Variants in FAT3 observed in about 807,000 individuals in gnomAD.
FAT3 encodes the protein FAT atypical cadherin 3.
FAT3 carries 95 observed loss-of-function variants against 310.2 expected under a neutral mutation model. That is an observed-to-expected ratio of 0.31 (90% CI 0.26 to 0.36). FAT3 has a LOEUF of 0.36. Among genes scored for constraint, FAT3 ranks in the 10% least tolerant of loss-of-function variants. The pLI is 1.00. For missense variants in FAT3, 5,408 were observed against 5,715.6 expected (o/e 0.95, Z 1.74); for synonymous variants, 2,314 against 2,192.9 (o/e 1.06, Z -1.54).
chr11:92,355,072 A>T lies in FAT3; in HGVS notation c.2960A>T (p.Lys987Ile). The change falls in exon 2 of 28, where the codon AAA (lysine) becomes ATA (isoleucine). Residue 987 changes from lysine (K) to isoleucine (I), a missense_variant. This residue lies in a region of FAT3 where 4,588 missense variants were observed against 4,809.8 expected (regional missense o/e 0.95). Transcript: ENST00000525166. ...TATAATGGGAGATTTGAAATAGATA[A>T]AGCAAGTGGTGCCATCCGCTTGAGC... ...NDYNGRFEID[K>I]ASGAIRLSKE... 4 of 1,613,716 alleles carry T rather than the reference A, an allele frequency of 2.5e-6. No homozygotes were observed. The highest frequency in any genetic ancestry group is 3.4e-6 in the Non-Finnish European group (4 of 1,179,826).
At chr11:92,741,974 T>C (rs1419581358) in intron 4 of FAT3, among the ~76,000 whole-genome samples, 1 of 152,182 alleles carries the variant, frequency 6.6e-6, no homozygotes, top group Non-Finnish European at 1.5e-5. Flanking sequence ...ACAGAATAAT[T>C]TCTTCACCAA....
intron 1 of FAT3, among the ~76,000 whole-genome samples, chr11:92,257,849 G>A (rs552220521): frequency 3.5e-4 from 54 of 152,204 alleles, no homozygotes; most frequent in African/African-American, 1.3e-3. Context: ...TCCATGGACT[G>A]TAAAGATATT....
Position 92,787,673 on chromosome 11 carries a change from TTTA to T in FAT3, c.4336-2262_4336-2260del, listed in dbSNP as rs1946928841. Among the ~76,000 whole-genome samples, 9 of 150,200 alleles carry T rather than the reference TTTA, an allele frequency of 6.0e-5. 1 individual carries two copies. The highest frequency in any genetic ancestry group is 4.6e-4 in the Admixed American group (7 of 15,054). Reference sequence around the variant, plus strand: ...CAACTAGGAATAAATTATAATTTATTTTATTATTATAATGATATAAATACATAA... The same window carrying T: ...CAACTAGGAATAAATTATAATTTATTTTATTATAATGATATAAATACATAA... On this transcript the variant is annotated intron_variant, in intron 7 of 27. Coordinates refer to ENST00000525166, the MANE Select transcript of FAT3 (RefSeq NM_001367949.2).
In FAT3 at chr11:92,260,858, GCTGA is replaced by G. The variant is rs1004720261; in HGVS notation, c.-18+35689_-18+35692del. Reference sequence around the variant, plus strand: ...GTCGAGACAATTTTGAGAATTGCAAGCTGACTGAGTATGCCAACATGTAGGACAT... The same window carrying G: ...GTCGAGACAATTTTGAGAATTGCAAGCTGAGTATGCCAACATGTAGGACAT... On this transcript the variant is annotated intron_variant, in intron 1 of 27. Transcript: ENST00000525166. 1.2e-4 allele frequency among the ~76,000 whole-genome samples: 18 copies of G among 152,138 alleles called. 1 individual carries two copies. The highest frequency in any genetic ancestry group is 4.1e-4 in the African/African-American group (17 of 41,530).
At chr11:92,523,781 G>A (rs1481704003) in intron 2 of FAT3, among the ~76,000 whole-genome samples, 2 of 152,178 alleles carry the variant, frequency 1.3e-5, no homozygotes, top group African/African-American at 4.8e-5. Context: ...AGTTTCTGCA[G>A]CCTAGTGATT....
intron 4 of FAT3, among the ~76,000 whole-genome samples, chr11:92,737,816 G>A (rs1307608736): frequency 6.6e-6 from 1 of 152,038 alleles, no homozygotes; most frequent in Non-Finnish European, 1.5e-5. Context: ...GAGCCATACA[G>A]TGTCAAGAAT....
chr11:92,516,765 T>G (rs1953500393), intron 2 of FAT3, among the ~76,000 whole-genome samples: 1 of 152,156 alleles, frequency 6.6e-6, no homozygotes, highest in African/African-American at 2.4e-5. Context: ...CAAATTTCCT[T>G]AAGCTGATAA....
intron 4 of FAT3, among the ~76,000 whole-genome samples, chr11:92,722,631 A>AG (rs1232448245): frequency 6.6e-6 from 1 of 152,176 alleles, no homozygotes; most frequent in Non-Finnish European, 1.5e-5. Flanking sequence ...GCCCTAGCAG[A>AG]GGTTCTCCAT....
chr11:92,444,087 A>C (rs1174681277), intron 2 of FAT3, among the ~76,000 whole-genome samples: 2 of 152,192 alleles, frequency 1.3e-5, no homozygotes, highest in Non-Finnish European at 2.9e-5. Context: ...TTTGATTCCA[A>C]ATCTTAATTC....
At chr11:92,237,896 G>T (rs952031263) in intron 1 of FAT3, among the ~76,000 whole-genome samples, 1 of 152,174 alleles carries the variant, frequency 6.6e-6, no homozygotes. Flanking sequence ...TGGGAATGTG[G>T]TGTGGGGAAA....
rs1388991643 is a variant in FAT3, at chr11:92,354,504, C to T, written c.2392C>T (p.Leu798Phe). 1 of 1,613,860 alleles carries T rather than the reference C, an allele frequency of 6.2e-7. No homozygotes were observed. Among genetic ancestry groups the T allele is most frequent in the South Asian group, 1.1e-5 (1 of 91,082 alleles). ...GGATCGAGAACACACAGACCTCTAT[C>T]TCCTTAATATCACCATCTATGACTT... ...PMDREHTDLY[L>F]LNITIYDLGN... Residue 798 changes from leucine to phenylalanine, a missense_variant, in exon 2 of 28, where the codon CTC becomes TTC. Physicochemically the swap from Leu to Phe is conservative, Grantham distance 22. Transcript: ENST00000525166.
At chr11:92,680,007 T>G (rs1943428138) in intron 3 of FAT3, among the ~76,000 whole-genome samples, 1 of 152,172 alleles carries the variant, frequency 6.6e-6, no homozygotes, top group East Asian at 1.9e-4. Context: ...TATTTGTCCC[T>G]TGTTTGATAA....
intron 1 of FAT3, among the ~76,000 whole-genome samples, chr11:92,305,012 G>T (rs1591079749): frequency 6.6e-6 from 1 of 152,140 alleles, no homozygotes; most frequent in Admixed American, 6.6e-5. Flanking sequence ...ATAGACATTT[G>T]TAACAAAAGT....
chr11:92,748,094 A>G (rs548928058), intron 4 of FAT3, among the ~76,000 whole-genome samples: 164 of 152,228 alleles, frequency 1.1e-3, no homozygotes, highest in Non-Finnish European at 2.2e-3. Flanking sequence ...TAATGAAGAC[A>G]TACTCAAGGC....
intron 1 of FAT3, among the ~76,000 whole-genome samples, chr11:92,326,170 T>G (rs1947758301): frequency 6.6e-6 from 1 of 152,226 alleles, no homozygotes; most frequent in Admixed American, 6.5e-5. Context: ...AGCTTCAGTT[T>G]ACCTATCTGC....
intron 4 of FAT3, among the ~76,000 whole-genome samples, chr11:92,739,702 G>A (rs1158217423): frequency 6.6e-6 from 1 of 152,158 alleles, no homozygotes; most frequent in East Asian, 1.9e-4. Context: ...GACAGTTGGA[G>A]CAAATAACCT....
intron 2 of FAT3, among the ~76,000 whole-genome samples, chr11:92,521,900 C>T (rs977751579): frequency 1.3e-5 from 2 of 152,100 alleles, no homozygotes; most frequent in African/African-American, 4.8e-5. Context: ...CGGTCTAAAC[C>T]AGATTAGCCC....
Position 92,405,413 on chromosome 11 carries a change from A to G in FAT3, c.3292+50009A>G, listed in dbSNP as rs141044751. 1.8e-4 allele frequency among the ~76,000 whole-genome samples: 27 copies of G among 152,194 alleles called. 2 individuals carry two copies. In the East Asian group the frequency reaches 5.0e-3, roughly 28 times the overall value. On this transcript the variant is annotated intron_variant, in intron 2 of 27. Coordinates refer to ENST00000525166, the MANE Select transcript of FAT3 (RefSeq NM_001367949.2). The stretch of plus-strand genomic sequence containing the variant: ...TATTATTCAGCAAGAACTTGCTGTA[A>G]TATGATCTCATTTAATAATCTTTCC...
rs1180826401 is a variant in FAT3 at position 92,801,449 on chromosome 11, A to G, written c.8436A>G (p.Pro2812=). The G allele has an allele frequency of 6.2e-7, 1 of 1,613,920 alleles. No homozygotes were observed. The highest frequency in any genetic ancestry group is 8.5e-7 in the Non-Finnish European group (1 of 1,179,864). The change falls in exon 10 of 28, where the codon CCA becomes CCG. Residue 2812 remains proline, a synonymous_variant. Coordinates refer to ENST00000525166, the MANE Select transcript of FAT3 (RefSeq NM_001367949.2). ...TATTGGATTTGAATGACAACAAGCCAGTCTTTGAAACTTCAAGCTATGACA... is the reference window on the plus strand; with the variant it reads ...TATTGGATTTGAATGACAACAAGCCGGTCTTTGAAACTTCAAGCTATGACA... ...IKVLDLNDNK[P]VFETSSYDTI...
Sources: allele counts gnomAD v4.1 joint callset (sites outside exome capture counted in the v4.1 genomes callset), GRCh38; gene constraint gnomAD v4.1.1; regional missense constraint gnomAD v4.1.1; transcripts MANE v1.5; gene names NCBI Gene and HGNC (gene_info 2026-07-23, HGNC 2026-07-21).